DOCK4: variants seen among roughly 807,000 people sequenced by gnomAD.
DOCK4 encodes dedicator of cytokinesis 4, also known as dedicator of cytokinesis protein 4.
A neutral mutation model predicts 268.1 loss-of-function variants in DOCK4; 97 were observed. The ratio of observed to expected loss-of-function variants is 0.36; its 90% CI spans 0.31 to 0.43. The LOEUF is 0.43. DOCK4 is among the 20% of genes least tolerant of loss of function. DOCK4 has a pLI of 1.00. For missense variants in DOCK4, 2,145 were observed against 2,455.7 expected, an observed-to-expected ratio of 0.87 and a Z score of 2.67; for synonymous variants, 954 against 887.2, an observed-to-expected ratio of 1.08 and a Z score of -1.34.
At chr7:111,756,217 C>T (rs10232795) in intron 41 of DOCK4, among the ~76,000 whole-genome samples, 1,753 of 152,186 alleles carry the variant, frequency 0.012, 33 homozygotes, top group African/African-American at 0.04. Flanking sequence ...GGCATGGTGG[C>T]GGGCACCTGT....
At chr7:111,969,606 G>A (rs1393014964) in intron 8 of DOCK4, among the ~76,000 whole-genome samples, 2 of 151,470 alleles carry the variant, frequency 1.3e-5, no homozygotes, top group Non-Finnish European at 2.9e-5. Context: ...CAGGTGAATA[G>A]GTTCTGGAGA....
intron 23 of DOCK4, among the ~76,000 whole-genome samples, chr7:111,857,222 T>C (rs559169840): frequency 6.6e-6 from 1 of 152,340 alleles, no homozygotes; most frequent in South Asian, 2.1e-4. Flanking sequence ...TATTATGGCC[T>C]AAAATGTTGG....
intron 1 of DOCK4, among the ~76,000 whole-genome samples, chr7:112,054,136 A>G (rs1805614968): frequency 6.6e-6 from 1 of 152,186 alleles, no homozygotes; most frequent in Non-Finnish European, 1.5e-5. Flanking sequence ...AGCCTGGGCA[A>G]CATAGTGAGA....
intron 12 of DOCK4, among the ~76,000 whole-genome samples, chr7:111,922,369 T>C (rs991529991): frequency 7.9e-5 from 12 of 152,252 alleles, no homozygotes; most frequent in East Asian, 7.7e-4. Context: ...ATTTCTATTC[T>C]TTAAATGTGT....
At chr7:111,909,884 C>G (rs950225219) in intron 13 of DOCK4, among the ~76,000 whole-genome samples, 7 of 151,808 alleles carry the variant, frequency 4.6e-5, no homozygotes, top group South Asian at 4.2e-4. Context: ...ATCACTTGAG[C>G]CCAGAAGGCT....
chr7:112,043,530 G>C (rs1166032637), intron 1 of DOCK4, among the ~76,000 whole-genome samples: 1 of 150,632 alleles, frequency 6.6e-6, no homozygotes, highest in Admixed American at 6.6e-5. Context: ...GCTATTAATG[G>C]AGAGAATGAA....
At chr7:111,975,441 G>A (rs1402261668) in intron 8 of DOCK4, among the ~76,000 whole-genome samples, 2 of 152,122 alleles carry the variant, frequency 1.3e-5, no homozygotes, top group Non-Finnish European at 2.9e-5. Flanking sequence ...GACACACTCC[G>A]ACATATAAAC....
Position 112,101,845 on chromosome 7 carries a change from C to CT in DOCK4, c.38-97715dup, listed in dbSNP as rs72188849. Reference sequence around the variant, plus strand: ...TCTGAGACCTTTTCTTTTTCTTTTTCTTTTTTTTTTTTTTGAGACAAGAGT... The same window carrying CT: ...TCTGAGACCTTTTCTTTTTCTTTTTCTTTTTTTTTTTTTTTGAGACAAGAGT... On this transcript the variant is annotated intron_variant, in intron 1 of 52. Coordinates refer to ENST00000428084, the MANE Select transcript of DOCK4 (RefSeq NM_001363540.2). 5.6e-3 allele frequency among the ~76,000 whole-genome samples: 821 copies of CT among 146,336 alleles called. 3 individuals carry two copies. Among genetic ancestry groups the CT allele is most frequent in the Non-Finnish European group, 6.9e-3 (455 of 66,400 alleles).
At chr7:111,743,626 T>C (rs1409877022) in intron 44 of DOCK4, among the ~76,000 whole-genome samples, 3 of 152,270 alleles carry the variant, frequency 2.0e-5, no homozygotes, top group Admixed American at 6.5e-5. Context: ...CACAGAATGT[T>C]GCAAGTTGGG....
intron 6 of DOCK4, 110 bp from the exon 7 acceptor site, chr7:111,984,500 G>A (rs573607772): frequency 2.3e-6 from 2 of 852,446 alleles, no homozygotes; most frequent in South Asian, 3.3e-5. Flanking sequence ...CACCCACCAT[G>A]CTTCTCTCAC....
intron 1 of DOCK4, among the ~76,000 whole-genome samples, chr7:112,196,844 A>C (rs973440400): frequency 6.6e-6 from 1 of 152,258 alleles, no homozygotes; most frequent in African/African-American, 2.4e-5. Flanking sequence ...AAATATACAC[A>C]CATACATTGT....
At chr7:111,891,563 C>T (rs186030105) in intron 16 of DOCK4, among the ~76,000 whole-genome samples, 1 of 152,204 alleles carries the variant, frequency 6.6e-6, no homozygotes, top group Admixed American at 6.5e-5. Context: ...CCTTGAATCA[C>T]CTTTGCTCAC....
chr7:112,041,484 A>T (rs1804352779), intron 1 of DOCK4, among the ~76,000 whole-genome samples: 1 of 152,196 alleles, frequency 6.6e-6, no homozygotes, highest in Non-Finnish European at 1.5e-5. Context: ...TCACCATTCC[A>T]TGGATAAAAA....
intron 40 of DOCK4, 73 bp from the exon 41 acceptor site, chr7:111,758,863 G>T: frequency 1.4e-6 from 2 of 1,400,638 alleles, no homozygotes; most frequent in Non-Finnish European, 2.0e-6. Flanking sequence ...CTGAGCTATG[G>T]CAGAGAGAAG....
At chr7:111,930,623 G>A (rs781090190) in intron 12 of DOCK4, among the ~76,000 whole-genome samples, 3 of 152,202 alleles carry the variant, frequency 2.0e-5, no homozygotes, top group Non-Finnish European at 2.9e-5. Flanking sequence ...GTGGTCCAGA[G>A]AGAAAACAGC....
At chr7:111,988,903 T>C in intron 6 of DOCK4, 112 bp downstream of exon 6, 1 of 1,423,034 alleles carries the variant, frequency 7.0e-7, no homozygotes, top group Admixed American at 2.5e-5. Flanking sequence ...ACAGGAAACA[T>C]GAAAAAGCCC....
rs986345977 is a variant in DOCK4 at position 111,825,786 on chromosome 7, T to C, written c.2836-3330A>G. On this transcript the variant is annotated intron_variant, in intron 26 of 52. Transcript: ENST00000428084. ...TGTTATTTTATAGAAGTATTTTTTC[T>C]GCAGAGGTTCAAGTAAGAGAGAGGT... is the stretch of plus-strand genomic sequence containing the variant. Among the ~76,000 whole-genome samples, 7 of 152,204 alleles carry C rather than the reference T, an allele frequency of 4.6e-5. No homozygotes were observed. The East Asian group carries it at 1.2e-3, about 25-fold the overall frequency.
intron 8 of DOCK4, among the ~76,000 whole-genome samples, chr7:111,968,749 A>T (rs1797443387): frequency 9.2e-6 from 1 of 108,798 alleles, no homozygotes; most frequent in Admixed American, 8.7e-5. Flanking sequence ...TGCTATAAAG[A>T]CACATGCACA....
rs781493990 is a variant in DOCK4, at chr7:111,728,599, G to A, written c.5603C>T (p.Thr1868Met). 9.3e-6 allele frequency: 15 copies of A among 1,613,898 alleles called. No homozygotes were observed. The Admixed American group carries it at 2.0e-4, about 22-fold the overall frequency. Residue 1868 changes from threonine (T) to methionine (M), a missense_variant, in exon 53 of 53, where the codon ACG (threonine) becomes ATG (methionine). This residue lies in a region of DOCK4 where 547 missense variants were observed against 469.0 expected (regional missense o/e 1.17). Transcript: ENST00000428084. ...ATTTTCAAAGCCTGAGGTTTCCGAC[G>A]TGCTGCACCGGCTGAGAGAAGAAAT... ...SGISSLSRCS[T>M]SETSGFENQV...
Sources: gnomAD v4.1 joint callset for allele counts (sites outside exome capture counted in the v4.1 genomes callset) on GRCh38, gnomAD v4.1.1 for gene constraint, gnomAD v4.1.1 regional missense constraint, MANE v1.5 for transcripts, NCBI Gene and HGNC (gene_info 2026-07-23, HGNC 2026-07-21) for gene names.